PVT1: variants seen among roughly 807,000 people sequenced by gnomAD.
The protein encoded by PVT1 is CXCR4/PVT1 fusion.
intron 3 of PVT1, among the ~76,000 whole-genome samples, chr8:127,962,704 C>A (rs1816659358): frequency 6.6e-6 from 1 of 152,156 alleles, no homozygotes; most frequent in Non-Finnish European, 1.5e-5. Context: ...TCAAGTGATT[C>A]TGCTGTCTCA....
intron 2 of PVT1, among the ~76,000 whole-genome samples, chr8:127,888,130 C>T (rs987934773): frequency 5.9e-5 from 9 of 151,352 alleles, no homozygotes; most frequent in African/African-American, 4.9e-5. Flanking sequence ...TTAGTAGAGA[C>T]GGGGTTTCAC....
At position 127,875,466 on chromosome 8, in the gene PVT1, G is replaced by A. The variant is rs757167674; in HGVS notation, n.373-15123G>A. The stretch of plus-strand genomic sequence containing the variant: ...ATCATTAGACATATTTCGAGCCTCC[G>A]TTCCTCATCTATGAAATAAGCATAG... On this transcript the variant is annotated intron_variant and non_coding_transcript_variant, in intron 2 of 10. Coordinates refer to ENST00000651587, the Ensembl canonical transcript of PVT1. Among the ~76,000 whole-genome samples the A allele has an allele frequency of 4.0e-5, 6 of 151,778 alleles. No homozygotes were observed. In the East Asian group the frequency reaches 7.7e-4, roughly 20 times the overall value.
chr8:127,846,021 GGT>G (rs1382409779), intron 2 of PVT1, among the ~76,000 whole-genome samples: 1 of 152,150 alleles, frequency 6.6e-6, no homozygotes, highest in Non-Finnish European at 1.5e-5. Context: ...TGAGCTGGGT[GGT>G]AGTCCTTTAT....
chr8:127,969,281 C>T (rs771432718), intron 3 of PVT1, among the ~76,000 whole-genome samples: 1 of 152,136 alleles, frequency 6.6e-6, no homozygotes, highest in Non-Finnish European at 1.5e-5. Context: ...AAGCCTCCAA[C>T]CCATAGTTTG....
rs558931848 is a variant in PVT1 at position 127,800,435 on chromosome 8, A to G, written n.372+4364A>G. 2.4e-4 allele frequency among the ~76,000 whole-genome samples: 37 copies of G among 152,326 alleles called. No homozygotes were observed. The South Asian group carries it at 7.5e-3, about 31-fold the overall frequency. ...GCTGGGGGACAGATGGAGGCAGTGCAGGCAAAAGCTAACTCCTGTGCAAAG... is the reference window on the plus strand; with the variant it reads ...GCTGGGGGACAGATGGAGGCAGTGCGGGCAAAAGCTAACTCCTGTGCAAAG... On this transcript the variant is annotated intron_variant and non_coding_transcript_variant, in intron 2 of 10. Transcript: ENST00000651587.
intron 2 of PVT1, among the ~76,000 whole-genome samples, chr8:127,862,069 T>C (rs1815234352): frequency 6.6e-6 from 1 of 152,196 alleles, no homozygotes; most frequent in Non-Finnish European, 1.5e-5. Context: ...CAGCCTCCAA[T>C]AGTGTGAGCA....
intron 3 of PVT1, among the ~76,000 whole-genome samples, chr8:127,914,873 T>C (rs150291411): frequency 0.02 from 3,009 of 150,674 alleles, 118 homozygotes; most frequent in African/African-American, 0.071. Flanking sequence ...GCTGGAGTGC[T>C]GGAGTGCAGT....
chr8:127,819,848 A>C (rs1414630645), intron 2 of PVT1, among the ~76,000 whole-genome samples: 1 of 152,202 alleles, frequency 6.6e-6, no homozygotes. Context: ...CCTCATCATT[A>C]ACCTCTAAGA....
At chr8:128,029,706 G>C in intron 4 of PVT1, among the ~76,000 whole-genome samples, 1 of 152,164 alleles carries the variant, frequency 6.6e-6, no homozygotes, top group Non-Finnish European at 1.5e-5. Context: ...GGCTGAGGCA[G>C]GAGAATCACT....
chr8:128,077,048 G>A (rs779602723), intron 5 of PVT1, among the ~76,000 whole-genome samples: 2 of 152,148 alleles, frequency 1.3e-5, no homozygotes, highest in African/African-American at 2.4e-5. Flanking sequence ...AGATGCCAGC[G>A]GGTTTCCCTA....
At chr8:127,987,025 A>G (rs1267742539) in intron 3 of PVT1, among the ~76,000 whole-genome samples, 1 of 152,184 alleles carries the variant, frequency 6.6e-6, no homozygotes, top group Non-Finnish European at 1.5e-5. Flanking sequence ...GGTGTCAGGC[A>G]GACTCCTTAG....
intron 4 of PVT1, among the ~76,000 whole-genome samples, chr8:128,005,033 G>A (rs140662169): frequency 3.3e-5 from 5 of 151,932 alleles, no homozygotes; most frequent in Admixed American, 6.6e-5. Flanking sequence ...CCAGCTACTC[G>A]GGAGGCTGAG....
chr8:127,817,954 C>T (rs569590969), intron 2 of PVT1, among the ~76,000 whole-genome samples: 67 of 152,244 alleles, frequency 4.4e-4, no homozygotes, highest in Non-Finnish European at 6.5e-4. Flanking sequence ...CCCTGCTGTT[C>T]GCCTTGTTCC....
chr8:127,857,455 G>C (rs1239441430), intron 2 of PVT1, among the ~76,000 whole-genome samples: 1 of 152,068 alleles, frequency 6.6e-6, no homozygotes, highest in Non-Finnish European at 1.5e-5. Flanking sequence ...GGAGGATGGA[G>C]TATGTCCAGG....
Position 128,039,122 on chromosome 8 carries a change from C to T in PVT1, n.913-31038C>T, listed in dbSNP as rs145506173. 1.4e-4 allele frequency among the ~76,000 whole-genome samples: 22 copies of T among 152,280 alleles called. No individual in the cohort carries two copies. In the East Asian group the frequency reaches 2.7e-3, roughly 19 times the overall value. On this transcript the variant is annotated intron_variant and non_coding_transcript_variant, in intron 4 of 10. Coordinates refer to ENST00000651587, the Ensembl canonical transcript of PVT1. ...CTTTCTTCTGGCCACAATCAAACAC[C>T]GTTTCTTCTTTCTGCCTTGGTTCCC...
intron 3 of PVT1, among the ~76,000 whole-genome samples, chr8:127,958,254 T>C (rs1816595416): frequency 6.6e-6 from 1 of 152,172 alleles, no homozygotes; most frequent in Admixed American, 6.5e-5. Context: ...CTTTCTTTTT[T>C]TTTGAGACAG....
intron 2 of PVT1, among the ~76,000 whole-genome samples, chr8:127,878,419 C>T (rs1040004945): frequency 1.3e-5 from 2 of 152,180 alleles, no homozygotes; most frequent in East Asian, 3.9e-4. Flanking sequence ...GATATGGATG[C>T]AGGTTCAAAG....
chr8:128,026,265 C>G (rs984561787), intron 4 of PVT1, among the ~76,000 whole-genome samples: 3 of 151,978 alleles, frequency 2.0e-5, no homozygotes, highest in Admixed American at 6.6e-5. Flanking sequence ...CTGATTCACT[C>G]TTGTTTTGTA....
intron 3 of PVT1, among the ~76,000 whole-genome samples, chr8:127,956,702 C>G (rs1816573658): frequency 6.6e-6 from 1 of 152,218 alleles, no homozygotes; most frequent in African/African-American, 2.4e-5. Context: ...GCAGGATGGT[C>G]TGGATCTCTT....
Sources: gnomAD v4.1 joint callset for allele counts (sites outside exome capture counted in the v4.1 genomes callset) on GRCh38, gnomAD v4.1.1 for gene constraint, MANE v1.5 for transcripts, NCBI Gene and HGNC (gene_info 2026-07-23, HGNC 2026-07-21) for gene names.